Variants in PDE4B observed in about 807,000 individuals in gnomAD.
PDE4B encodes the protein 3',5'-cyclic-AMP phosphodiesterase 4B.
PDE4B carries 20 observed loss-of-function variants against 82.2 expected under a neutral mutation model. That is an observed-to-expected ratio of 0.24 (90% CI 0.17 to 0.35). The LOEUF (loss-of-function observed/expected upper bound fraction) is 0.35, where lower values mean the gene tolerates loss of function less well. Ranked by LOEUF, PDE4B falls within the 10% of genes least tolerant of loss-of-function variation. The pLI is 1.00. For missense variants in PDE4B, 655 were observed against 907.2 expected (o/e 0.72, Z 3.57); for synonymous variants, 320 against 318.9 (o/e 1.00, Z -0.04).
chr1:66,020,630 A>G (rs1653045105), intron 3 of PDE4B, among the ~76,000 whole-genome samples: 2 of 152,192 alleles, frequency 1.3e-5, no homozygotes, highest in Admixed American at 6.5e-5. Context: ...CCATGTCCCT[A>G]CAAAGGAGAT....
At chr1:66,105,406 T>C (rs1162083105) in intron 3 of PDE4B, among the ~76,000 whole-genome samples, 4 of 152,040 alleles carry the variant, frequency 2.6e-5, no homozygotes, top group African/African-American at 9.7e-5. Flanking sequence ...TGGCTTAGGA[T>C]TGACTTGGCG....
chr1:66,367,905 T>A, intron 14 of PDE4B, 38 bp from the exon 15 acceptor site: 1 of 1,613,032 alleles, frequency 6.2e-7, no homozygotes, highest in Non-Finnish European at 8.5e-7. Context: ...TCTGATAGAC[T>A]GAATTTATTA....
intron 7 of PDE4B, among the ~76,000 whole-genome samples, chr1:66,286,233 C>T (rs1656663187): frequency 1.3e-5 from 2 of 152,174 alleles, no homozygotes; most frequent in Non-Finnish European, 2.9e-5. Flanking sequence ...TAAACTGAAA[C>T]TTTGAGGAGT....
chr1:65,982,919 C>T (rs568086989), intron 3 of PDE4B, among the ~76,000 whole-genome samples: 37 of 152,260 alleles, frequency 2.4e-4, no homozygotes, highest in African/African-American at 7.9e-4. Context: ...CTGGGGCCAT[C>T]GCCTCATTGG....
At chr1:65,846,634 C>A (rs990241230) in intron 1 of PDE4B, among the ~76,000 whole-genome samples, 1 of 152,134 alleles carries the variant, frequency 6.6e-6, no homozygotes, top group Non-Finnish European at 1.5e-5. Flanking sequence ...CAAATTCTTA[C>A]AAGTTTGGAT....
At chr1:66,358,569 G>T (rs778483040) in intron 9 of PDE4B, among the ~76,000 whole-genome samples, 15 of 151,598 alleles carry the variant, frequency 9.9e-5, no homozygotes, top group Non-Finnish European at 1.8e-4. Context: ...AGCTACTGGG[G>T]AGGCTGAGGC....
Position 65,866,379 on chromosome 1 carries a change from A to G in PDE4B, c.-70-46866A>G, listed in dbSNP as rs186306300. ...GAAAATTTGAGGCAGCAGAATTGTCACTAACACACTCAAACTCAATCAAAA... is the reference window on the plus strand; with the variant it reads ...GAAAATTTGAGGCAGCAGAATTGTCGCTAACACACTCAAACTCAATCAAAA... On this transcript the variant is annotated intron_variant, in intron 1 of 16. Coordinates refer to ENST00000341517, the MANE Select transcript of PDE4B (RefSeq NM_002600.4). Among the ~76,000 whole-genome samples, 36 of 152,318 alleles carry G rather than the reference A, an allele frequency of 2.4e-4. 2 individuals carry two copies. Among genetic ancestry groups the G allele is most frequent in the African/African-American group, 7.9e-4 (33 of 41,578 alleles).
At position 66,332,542 on chromosome 1, in the gene PDE4B, G is replaced by A; in HGVS notation, c.669G>A (p.Leu223=). Residue 223 remains leucine (L), a synonymous_variant, in exon 8 of 17, where the codon CTG becomes CTA. Coordinates refer to ENST00000341517, the MANE Select transcript of PDE4B (RefSeq NM_002600.4). ...ESYQKLAMET[L]EELDWCLDQL... is the part of the protein sequence containing the mutation. ...ATCAAAAATTAGCAATGGAAACGCT[G>A]GAGGAATTAGACTGGTGTTTAGACC... is the stretch of plus-strand genomic sequence containing the variant. The A allele has an allele frequency of 6.2e-7, 1 of 1,614,140 alleles. No individual in the cohort carries two copies. Among genetic ancestry groups the A allele is most frequent in the East Asian group, 2.2e-5 (1 of 44,886 alleles).
intron 1 of PDE4B, among the ~76,000 whole-genome samples, chr1:65,894,717 T>C (rs1001448431): frequency 6.6e-6 from 1 of 152,116 alleles, no homozygotes; most frequent in African/African-American, 2.4e-5. Context: ...AAGTCGAACA[T>C]CATTTCACAA....
chr1:66,018,225 G>C (rs1652889051), intron 3 of PDE4B, among the ~76,000 whole-genome samples: 1 of 152,078 alleles, frequency 6.6e-6, no homozygotes, highest in South Asian at 2.1e-4. Flanking sequence ...AGACCATCTT[G>C]GCTAACACCG....
intron 7 of PDE4B, among the ~76,000 whole-genome samples, chr1:66,303,548 C>T (rs72924502): frequency 6.6e-6 from 1 of 152,002 alleles, no homozygotes; most frequent in East Asian, 1.9e-4. Flanking sequence ...GCTTATTCCT[C>T]CTAACAGAAA....
intron 3 of PDE4B, among the ~76,000 whole-genome samples, chr1:66,131,592 GATATATAT>G (rs71058452): frequency 0.02 from 648 of 32,846 alleles, 12 homozygotes; most frequent in Middle Eastern, 0.12. Context: ...CTGAATGCCA[GATATATAT>G]ATATATATAT....
intron 7 of PDE4B, among the ~76,000 whole-genome samples, chr1:66,296,967 T>C (rs1657556139): frequency 6.6e-6 from 1 of 152,166 alleles, no homozygotes; most frequent in African/African-American, 2.4e-5. Flanking sequence ...AAAGAAGTTG[T>C]TTTCAGGCTA....
chr1:66,308,999 G>A (rs952274935), intron 7 of PDE4B, among the ~76,000 whole-genome samples: 5 of 152,126 alleles, frequency 3.3e-5, no homozygotes, highest in Admixed American at 6.6e-5. Context: ...ATACATTGTC[G>A]ATTCAGGAAA....
chr1:65,820,796 T>C (rs1309794202), intron 1 of PDE4B, among the ~76,000 whole-genome samples: 1 of 152,186 alleles, frequency 6.6e-6, no homozygotes. Context: ...GCTCCAAAGA[T>C]AGACAATTAG....
rs186448613 is a variant in PDE4B at position 65,846,708 on chromosome 1, A to G, written c.-71+53460A>G. Among the ~76,000 whole-genome samples the G allele has an allele frequency of 5.3e-5, 8 of 152,318 alleles. No individual in the cohort carries two copies. The East Asian group carries it at 1.3e-3, about 26-fold the overall frequency. ...AGTAGCAAGTGATTCTGAAAGCTCT[A>G]GAATTCTAGCTGTGTATCTAGTGTT... On this transcript the variant is annotated intron_variant, in intron 1 of 16. Transcript: ENST00000341517.
intron 3 of PDE4B, among the ~76,000 whole-genome samples, chr1:66,247,201 A>C (rs1364214391): frequency 6.6e-6 from 1 of 152,172 alleles, no homozygotes; most frequent in Non-Finnish European, 1.5e-5. Flanking sequence ...CCTGGGTTCA[A>C]ATTCTGGCTC....
chr1:65,899,633 T>C (rs1646949235), intron 1 of PDE4B, among the ~76,000 whole-genome samples: 1 of 147,970 alleles, frequency 6.8e-6, no homozygotes, highest in African/African-American at 2.5e-5. Flanking sequence ...ATATATGTAA[T>C]TTATATATAT....
chr1:66,021,598 G>T (rs757237685), intron 3 of PDE4B, among the ~76,000 whole-genome samples: 1 of 152,062 alleles, frequency 6.6e-6, no homozygotes, highest in Non-Finnish European at 1.5e-5. Flanking sequence ...TCTTGTTTTT[G>T]TCAGGTTTGT....
Sources: allele counts gnomAD v4.1 joint callset (sites outside exome capture counted in the v4.1 genomes callset), GRCh38; gene constraint gnomAD v4.1.1; transcripts MANE v1.5; gene names NCBI Gene and HGNC (gene_info 2026-07-23, HGNC 2026-07-21).